The following PRKN variants were observed in gnomAD, a reference collection of about 807,000 sequenced individuals.
PRKN encodes the protein E3 ubiquitin-protein ligase parkin.
Under a neutral mutation model 59.5 loss-of-function variants are expected in PRKN, and 56 were observed. That is an observed-to-expected ratio of 0.94 (90% confidence interval 0.76 to 1.18). PRKN has a LOEUF of 1.18. PRKN is among the 50% of genes most tolerant of loss of function. The pLI is 0.00. For missense variants in PRKN, 657 were observed against 596.4 expected (o/e 1.10, Z -1.06); for synonymous variants, 250 against 222.1 (o/e 1.13, Z -1.12).
chr6:161,851,001 C>A (rs760723071), intron 6 of PRKN, among the ~76,000 whole-genome samples: 1 of 152,172 alleles, frequency 6.6e-6, no homozygotes, highest in Admixed American at 6.5e-5. Context: ...TCTTCCAATG[C>A]CCCAGTACTT....
At chr6:162,393,802 C>G (rs982186487) in intron 2 of PRKN, among the ~76,000 whole-genome samples, 3 of 152,152 alleles carry the variant, frequency 2.0e-5, no homozygotes, top group African/African-American at 7.2e-5. Flanking sequence ...TTCTGGGAGA[C>G]AGCTAATAAA....
At chr6:161,632,154 G>T (rs932388963) in intron 7 of PRKN, among the ~76,000 whole-genome samples, 1 of 152,122 alleles carries the variant, frequency 6.6e-6, no homozygotes, top group Non-Finnish European at 1.5e-5. Context: ...GCTCAACATG[G>T]CAGAGAGGTC....
At chr6:162,304,689 G>A (rs1395550008) in intron 2 of PRKN, among the ~76,000 whole-genome samples, 1 of 150,746 alleles carries the variant, frequency 6.6e-6, no homozygotes, top group African/African-American at 2.5e-5. Flanking sequence ...CACAAATGGG[G>A]AAAAGACAGA....
intron 1 of PRKN, among the ~76,000 whole-genome samples, chr6:162,560,422 G>A (rs1379497479): frequency 6.6e-6 from 1 of 152,086 alleles, no homozygotes; most frequent in Non-Finnish European, 1.5e-5. Flanking sequence ...TCAAAGTCAG[G>A]TCATAATCAA....
Position 161,456,610 on chromosome 6 carries a change from C to A in PRKN, c.1084-69733G>T, listed in dbSNP as rs1187966277. 6.8e-6 allele frequency among the ~76,000 whole-genome samples: 1 copy of A among 147,508 alleles called. No individual in the cohort carries two copies. Among genetic ancestry groups the A allele is most frequent in the African/African-American group, 2.6e-5 (1 of 39,174 alleles). ...AATTAGTTCTGTCCCTCTAGAGAAC[C>A]CTGACTAATAATCTCCCACATCACC... is the stretch of plus-strand genomic sequence containing the variant. On this transcript the variant is annotated intron_variant, in intron 9 of 11. Transcript: ENST00000366898. The surrounding 1 kb of genome is among the most constrained non-coding windows in gnomAD (Gnocchi z 4.8).
intron 1 of PRKN, among the ~76,000 whole-genome samples, chr6:162,483,405 A>G: frequency 6.6e-6 from 1 of 152,316 alleles, no homozygotes; most frequent in Admixed American, 6.5e-5. Context: ...ATTTAACTAT[A>G]TGCAAATTTT....
At chr6:161,744,179 TG>T (rs1311462147) in intron 7 of PRKN, among the ~76,000 whole-genome samples, 1 of 151,860 alleles carries the variant, frequency 6.6e-6, no homozygotes, top group Non-Finnish European at 1.5e-5. Flanking sequence ...AATTATTTAC[TG>T]TTTTTTTTTC....
At chr6:162,677,855 T>C (rs1167904904) in intron 1 of PRKN, among the ~76,000 whole-genome samples, 1 of 152,100 alleles carries the variant, frequency 6.6e-6, no homozygotes, top group Non-Finnish European at 1.5e-5. Context: ...TGTGTACAAT[T>C]TGACATATTT....
At chr6:162,528,747 C>T (rs1182725863) in intron 1 of PRKN, among the ~76,000 whole-genome samples, 6 of 152,084 alleles carry the variant, frequency 3.9e-5, no homozygotes. Flanking sequence ...GAACTATGAT[C>T]CCACAGCGCC....
At chr6:162,500,959 A>G (rs1040256873) in intron 1 of PRKN, among the ~76,000 whole-genome samples, 2 of 152,158 alleles carry the variant, frequency 1.3e-5, no homozygotes, top group Non-Finnish European at 2.9e-5. Flanking sequence ...TGAGGCCGGG[A>G]GTTTGAGAAC....
intron 2 of PRKN, among the ~76,000 whole-genome samples, chr6:162,285,429 G>A (rs1414202725): frequency 6.6e-6 from 1 of 151,874 alleles, no homozygotes; most frequent in East Asian, 1.9e-4. Flanking sequence ...TTATTATTGG[G>A]TGTTGTATCA....
chr6:162,084,885 C>G (rs1048923766), intron 4 of PRKN, among the ~76,000 whole-genome samples: 1 of 151,766 alleles, frequency 6.6e-6, no homozygotes, highest in African/African-American at 2.4e-5. Context: ...ATATTCCTGT[C>G]TCTGTACTGT....
intron 9 of PRKN, among the ~76,000 whole-genome samples, chr6:161,404,343 A>G (rs1158196246): frequency 6.6e-6 from 1 of 152,190 alleles, no homozygotes; most frequent in Non-Finnish European, 1.5e-5. Flanking sequence ...GTGGCAACGC[A>G]TAGACGGGAT....
intron 1 of PRKN, among the ~76,000 whole-genome samples, chr6:162,598,432 C>A (rs536657202): frequency 3.9e-5 from 6 of 152,118 alleles, no homozygotes; most frequent in Non-Finnish European, 8.8e-5. Flanking sequence ...AGAAAAATTG[C>A]TCCTCATGGA....
At chr6:162,380,200 G>C (rs1786353435) in intron 2 of PRKN, among the ~76,000 whole-genome samples, 1 of 151,940 alleles carries the variant, frequency 6.6e-6, no homozygotes, top group Non-Finnish European at 1.5e-5. Context: ...AAATGCTGAT[G>C]TGGCTTATTA....
chr6:161,942,094 C>T (rs554462388), intron 6 of PRKN, among the ~76,000 whole-genome samples: 5 of 152,240 alleles, frequency 3.3e-5, no homozygotes, highest in African/African-American at 7.2e-5. Context: ...ATATGGCCCT[C>T]GAGCTACCAA....
intron 4 of PRKN, among the ~76,000 whole-genome samples, chr6:162,118,420 T>C (rs1273482982): frequency 6.6e-6 from 1 of 151,372 alleles, no homozygotes; most frequent in Non-Finnish European, 1.5e-5. Context: ...AAAAAAAGAG[T>C]ATGATCACAT....
At chr6:161,516,577 C>T (rs957493113) in intron 9 of PRKN, among the ~76,000 whole-genome samples, 2 of 149,486 alleles carry the variant, frequency 1.3e-5, no homozygotes, top group African/African-American at 4.9e-5. Context: ...CCTGCAATCT[C>T]AACACTTTGG....
intron 5 of PRKN, among the ~76,000 whole-genome samples, chr6:162,052,955 A>G (rs1225796366): frequency 6.6e-6 from 1 of 152,148 alleles, no homozygotes; most frequent in Non-Finnish European, 1.5e-5. Flanking sequence ...TACATATTAC[A>G]TTTGTATACA....
Sources: allele counts gnomAD v4.1 joint callset (sites outside exome capture counted in the v4.1 genomes callset), GRCh38; gene constraint gnomAD v4.1.1; non-coding constraint Gnocchi (gnomAD v3.1); transcripts MANE v1.5; gene names NCBI Gene and HGNC (gene_info 2026-07-23, HGNC 2026-07-21).